Variants in SLC2A9 observed in about 807,000 individuals in gnomAD.
SLC2A9 encodes the protein solute carrier family 2 member 9, also known as solute carrier family 2, facilitated glucose transporter member 9.
SLC2A9 carries 39 observed loss-of-function variants against 50.6 expected under a neutral mutation model. That is an observed-to-expected ratio of 0.77 (90% CI 0.60 to 1.01). The LOEUF (loss-of-function observed/expected upper bound fraction) is 1.01, where lower values mean the gene tolerates loss of function less well. Ranked by LOEUF, SLC2A9 falls within the 50% of genes least tolerant of loss-of-function variation. SLC2A9 has a pLI of 0.00. For synonymous variants in SLC2A9, 324 were observed against 276.9 expected, an observed-to-expected ratio of 1.17 and a Z score of -1.69; for missense variants, 686 against 677.6, an observed-to-expected ratio of 1.01 and a Z score of -0.14.
chr4:9,819,759 C>T (rs987273739), intron 3 of SLC2A9, among the ~76,000 whole-genome samples: 3 of 152,206 alleles, frequency 2.0e-5, no homozygotes, highest in Non-Finnish European at 4.4e-5. Flanking sequence ...CATGGTGAAA[C>T]CCCATTTCCA....
chr4:9,965,906 C>G (rs1752977795), intron 5 of SLC2A9, among the ~76,000 whole-genome samples: 1 of 152,126 alleles, frequency 6.6e-6, no homozygotes, highest in African/African-American at 2.4e-5. Context: ...AAAAGATATT[C>G]AAAGCATTTT....
chr4:9,781,804 G>C lies in SLC2A9; in HGVS notation n.386-1739C>G, dbSNP rs2076907. ...ACCAGCCGCTTCCTGTCCCCATCGC[G>C]GAGACTGGAGGGGCGCACCACGGCC... On this transcript the variant is annotated intron_variant and non_coding_transcript_variant, in intron 3 of 3. Coordinates refer to the SLC2A9 transcript ENST00000503803. The C allele has an allele frequency of 0.93, 392,121 of 422,328 alleles. 182,697 individuals are homozygous for C. The highest frequency in any genetic ancestry group is 0.96 in the Non-Finnish European group (232,127 of 242,898). The allele number at this position is 422,328 out of a possible 1,614,324, so 26.2% of individuals were successfully genotyped here.
intron 2 of SLC2A9, among the ~76,000 whole-genome samples, chr4:10,014,304 C>T (rs1408324094): frequency 6.6e-6 from 1 of 152,170 alleles, no homozygotes; most frequent in Non-Finnish European, 1.5e-5. Context: ...ACAAGGGGCT[C>T]GACACCAGCC....
At chr4:9,984,569 C>A (rs554858239) in intron 4 of SLC2A9, among the ~76,000 whole-genome samples, 10 of 152,294 alleles carry the variant, frequency 6.6e-5, no homozygotes, top group African/African-American at 2.4e-4. Flanking sequence ...GAACTGAGAT[C>A]CAAACTCAGG....
At chr4:9,980,516 T>C in intron 5 of SLC2A9, 76 bp downstream of exon 5, 6 of 1,604,952 alleles carry the variant, frequency 3.7e-6, no homozygotes, top group Non-Finnish European at 4.3e-6. Context: ...GGGACCAGCT[T>C]TTGGAGAAAA....
intron 5 of SLC2A9, among the ~76,000 whole-genome samples, chr4:9,943,894 GCACAGCCGC>G (rs1748644764): frequency 6.6e-6 from 1 of 152,134 alleles, no homozygotes; most frequent in African/African-American, 2.4e-5. Flanking sequence ...TCCTTCCACC[GCACAGCCGC>G]CAGCCCCACA....
intron 6 of SLC2A9, among the ~76,000 whole-genome samples, chr4:9,931,659 C>T (rs1236253237): frequency 2.6e-5 from 4 of 152,102 alleles, no homozygotes; most frequent in African/African-American, 9.7e-5. Flanking sequence ...TCTTTCCACA[C>T]ACCTCACAAG....
intron 8 of SLC2A9, among the ~76,000 whole-genome samples, chr4:9,904,147 C>T (rs1198326159): frequency 6.6e-6 from 1 of 152,010 alleles, no homozygotes; most frequent in Non-Finnish European, 1.5e-5. Context: ...TATTAGTTTC[C>T]TATTGCTGCT....
At chr4:10,030,643 C>T (rs1763913678) in intron 1 of SLC2A9, among the ~76,000 whole-genome samples, 1 of 152,146 alleles carries the variant, frequency 6.6e-6, no homozygotes, top group East Asian at 1.9e-4. Flanking sequence ...TATCGTAAAG[C>T]TCCTCTAAAT....
chr4:9,809,169 G>A (rs1367940151), intron 3 of SLC2A9, among the ~76,000 whole-genome samples: 1 of 152,208 alleles, frequency 6.6e-6, no homozygotes, highest in East Asian at 1.9e-4. Context: ...GCAGGTCACA[G>A]ATGTCAGACT....
chr4:9,930,539 G>A (rs1189646904), intron 6 of SLC2A9, among the ~76,000 whole-genome samples: 12 of 152,216 alleles, frequency 7.9e-5, no homozygotes, highest in Non-Finnish European at 1.8e-4. Flanking sequence ...TGCACTAGGG[G>A]AAGGCTCATG....
At chr4:9,795,739 A>G (rs1720517204), downstream of SLC2A9, among the ~76,000 whole-genome samples, 1 of 152,166 alleles carries the variant, frequency 6.6e-6, no homozygotes, top group South Asian at 2.1e-4. Context: ...ATGGTGAGGG[A>G]CGCATTGCCT....
downstream of SLC2A9, chr4:9,779,703 C>A (rs372405100): frequency 5.3e-5 from 8 of 151,924 alleles, no homozygotes; most frequent in Non-Finnish European, 8.8e-5. Context: ...CGTGAGCCAC[C>A]GTGCACAGCC....
In SLC2A9 at chr4:9,826,409, A is replaced by C; in HGVS notation, c.1611T>G (p.Asn537Lys). 1.9e-6 allele frequency: 3 copies of C among 1,614,076 alleles called. No homozygotes were observed. Among genetic ancestry groups the C allele is most frequent in the Non-Finnish European group, 2.5e-6 (3 of 1,179,958 alleles). The stretch of plus-strand genomic sequence containing the variant: ...AGGAGGAAACTTGTTAAGGCCTTCC[A>C]TTTATCTTACCATCAGTGACAGCTG... Reference protein sequence around the residue: ...IDSAVTDGKINGRP With the variant: ...IDSAVTDGKIKGRP The change falls in exon 12 of 12, where the codon AAT (asparagine) becomes AAG (lysine). Residue 537 changes from asparagine to lysine, a missense_variant. Transcript: ENST00000264784.
At chr4:9,797,888 G>A (rs1374653410), downstream of SLC2A9, among the ~76,000 whole-genome samples, 2 of 152,070 alleles carry the variant, frequency 1.3e-5, no homozygotes, top group Non-Finnish European at 2.9e-5. Flanking sequence ...TATATTTTAG[G>A]CAAACACTGC....
At chr4:10,026,678 A>G (rs570741615) in intron 1 of SLC2A9, among the ~76,000 whole-genome samples, 2 of 152,382 alleles carry the variant, frequency 1.3e-5, no homozygotes, top group African/African-American at 4.8e-5. Flanking sequence ...ATTACTCAGC[A>G]ATAAACAGAA....
chr4:9,783,730 T>A, intron 3 of SLC2A9: 1 of 309,318 alleles, frequency 3.2e-6, no homozygotes, highest in Non-Finnish European at 6.2e-6. Flanking sequence ...GCTGGGTCCT[T>A]AAAAAAAAAA....
intron 5 of SLC2A9, among the ~76,000 whole-genome samples, chr4:9,958,104 C>T (rs73227849): frequency 2.1e-4 from 32 of 152,304 alleles, no homozygotes; most frequent in Middle Eastern, 3.4e-3. Context: ...TCAGATGCTA[C>T]AGGACACTGA....
At chr4:10,030,466 C>G (rs2109590031) in intron 1 of SLC2A9, among the ~76,000 whole-genome samples, 1 of 152,214 alleles carries the variant, frequency 6.6e-6, no homozygotes, top group Middle Eastern at 3.4e-3. Context: ...TACAAAATGA[C>G]CTTTGGGTAA....
Sources: allele counts gnomAD v4.1 joint callset (sites outside exome capture counted in the v4.1 genomes callset), GRCh38; gene constraint gnomAD v4.1.1; transcripts MANE v1.5; gene names NCBI Gene and HGNC (gene_info 2026-07-23, HGNC 2026-07-21).